The following IBTK variants were observed in gnomAD, a reference collection of about 807,000 sequenced individuals.
IBTK encodes inhibitor of Bruton tyrosine kinase.
Under a neutral mutation model 154.9 loss-of-function variants are expected in IBTK, and 83 were observed. The observed-to-expected ratio is 0.54, with a 90% confidence interval of 0.45 to 0.64. The LOEUF is 0.64. Ranked by LOEUF, IBTK falls within the 30% of genes least tolerant of loss-of-function variation. The pLI is 0.00. For missense variants in IBTK, 1,332 were observed against 1,584.6 expected (o/e 0.84, Z 2.71); for synonymous variants, 515 against 536.1 (o/e 0.96, Z 0.54).
rs192293252 is a variant in IBTK, at chr6:82,222,766, A to G, written c.1124+674T>C. On this transcript the variant is annotated intron_variant, in intron 8 of 28. Coordinates refer to ENST00000306270, the MANE Select transcript of IBTK (RefSeq NM_015525.4). ...AATTCCAGTTGGTGCACCCACCCATACTTAAAACTTTATGAAGCTGGGCGC... is the reference window on the plus strand; with the variant it reads ...AATTCCAGTTGGTGCACCCACCCATGCTTAAAACTTTATGAAGCTGGGCGC... 5.9e-5 allele frequency among the ~76,000 whole-genome samples: 9 copies of G among 152,130 alleles called. No homozygotes were observed. The East Asian group carries it at 1.7e-3, about 29-fold the overall frequency.
At chr6:82,198,345 G>C (rs529848636) in intron 21 of IBTK, among the ~76,000 whole-genome samples, 51 of 152,148 alleles carry the variant, frequency 3.4e-4, no homozygotes, top group African/African-American at 1.1e-3. Flanking sequence ...AGAGAACACA[G>C]AGTCACAGAA....
At chr6:82,237,661 G>GTAGTAGTAGTAGTAGTAGTA (rs1554188041) in intron 2 of IBTK, among the ~76,000 whole-genome samples, 4 of 143,674 alleles carry the variant, frequency 2.8e-5, no homozygotes, top group Non-Finnish European at 6.1e-5. Context: ...AGATAGTAGT[G>GTAGTAGTAGTAGTAGTAGTA]GTAGTAGTAG....
At chr6:82,209,579 T>G (rs1356063234) in intron 16 of IBTK, among the ~76,000 whole-genome samples, 1 of 152,178 alleles carries the variant, frequency 6.6e-6, no homozygotes, top group Non-Finnish European at 1.5e-5. Flanking sequence ...GAGTGGGAAG[T>G]GTCTGCTAAT....
intron 3 of IBTK, among the ~76,000 whole-genome samples, chr6:82,233,214 C>T (rs1196444140): frequency 6.6e-6 from 1 of 150,934 alleles, no homozygotes; most frequent in Non-Finnish European, 1.5e-5. Context: ...ATATTCCCAG[C>T]TACTTGGAGG....
intron 16 of IBTK, among the ~76,000 whole-genome samples, chr6:82,209,506 A>C (rs753218693): frequency 5.9e-5 from 9 of 152,198 alleles, no homozygotes; most frequent in Non-Finnish European, 1.3e-4. Context: ...AAATGTCCAG[A>C]AGAGGCAAAT....
chr6:82,174,326 G>A (rs962747983), intron 26 of IBTK, among the ~76,000 whole-genome samples: 1 of 152,124 alleles, frequency 6.6e-6, no homozygotes, highest in Admixed American at 6.5e-5. Flanking sequence ...TGATGGGGAA[G>A]ATTTAAAAAT....
At chr6:82,203,067 A>T (rs1384894101) in intron 17 of IBTK, among the ~76,000 whole-genome samples, 4 of 149,994 alleles carry the variant, frequency 2.7e-5, no homozygotes, top group Non-Finnish European at 5.9e-5. Context: ...ACTAAGAAAA[A>T]CTGATGAAAT....
rs151074716 is a variant in IBTK, at chr6:82,220,646, A to G, written c.1192T>C (p.Leu398=). The G allele has an allele frequency of 7.8e-5, 126 of 1,613,058 alleles. No individual in the cohort carries two copies. The African/African-American group carries it at 1.6e-3, about 20-fold the overall frequency. The stretch of plus-strand genomic sequence containing the variant: ...ATTTTTTGACCCCCATTTTCTTTCA[A>G]ATGTTCAGGATCAACCTTGTATTCC... The part of the protein sequence containing the change: ...HMEYKVDPEH[L]KENGGQKICI... The change falls in exon 9 of 29, where the codon TTG becomes CTG. Residue 398 remains leucine (L), a synonymous_variant. Coordinates refer to ENST00000306270, the MANE Select transcript of IBTK (RefSeq NM_015525.4).
At chr6:82,235,962 C>T (rs899425649) in intron 2 of IBTK, among the ~76,000 whole-genome samples, 2 of 152,160 alleles carry the variant, frequency 1.3e-5, no homozygotes, top group Non-Finnish European at 2.9e-5. Flanking sequence ...CAACCTCCAT[C>T]TCCTGGGTTC....
chr6:82,199,816 T>C (rs1769133672), intron 21 of IBTK, among the ~76,000 whole-genome samples: 1 of 152,158 alleles, frequency 6.6e-6, no homozygotes, highest in Non-Finnish European at 1.5e-5. Context: ...GCACAAGAAA[T>C]GTGCAACTCT....
Position 82,218,129 on chromosome 6 carries a change from G to C in IBTK, c.1257C>G (p.Cys419Trp). ...LAMDGAGRVF[C>W]WRSVNSSLKQ... The stretch of plus-strand genomic sequence containing the variant: ...TCAGAGAACTGTTGACTGATCTCCA[G>C]CAAAACACCTAAAACAAAACCAAAT... The change falls in exon 10 of 29, where the codon TGC (cysteine) becomes TGG (tryptophan). Residue 419 changes from cysteine to tryptophan, a missense_variant. This residue lies in a region of IBTK where 1,134 missense variants were observed against 1,274.7 expected (regional missense o/e 0.89). Coordinates refer to ENST00000306270, the MANE Select transcript of IBTK (RefSeq NM_015525.4). 5 of 1,557,720 alleles carry C rather than the reference G, an allele frequency of 3.2e-6. No homozygotes were observed. Among genetic ancestry groups the C allele is most frequent in the Non-Finnish European group, 4.3e-6 (5 of 1,155,504 alleles).
At chr6:82,174,221 G>T (rs1227057039) in intron 26 of IBTK, among the ~76,000 whole-genome samples, 2 of 152,064 alleles carry the variant, frequency 1.3e-5, no homozygotes, top group Non-Finnish European at 2.9e-5. Flanking sequence ...TTGACTTCGT[G>T]ATTCATTTAT....
chr6:82,204,297 T>G (rs1379554010), intron 17 of IBTK, among the ~76,000 whole-genome samples: 1 of 152,098 alleles, frequency 6.6e-6, no homozygotes, highest in African/African-American at 2.4e-5. Context: ...TTTTGACAAC[T>G]GAATGAATTT....
chr6:82,242,229 C>T (rs958153807), intron 1 of IBTK, among the ~76,000 whole-genome samples: 2 of 151,976 alleles, frequency 1.3e-5, no homozygotes, highest in Non-Finnish European at 2.9e-5. Flanking sequence ...ATTAGCCAGG[C>T]GTGGTGGCAC....
Position 82,204,957 on chromosome 6 carries a change from T to C in IBTK, c.2511A>G (p.Glu837=). Residue 837 remains glutamate, a splice_region_variant and synonymous_variant, in exon 17 of 29, where the codon GAA becomes GAG. Coordinates refer to ENST00000306270, the MANE Select transcript of IBTK (RefSeq NM_015525.4). ...TACAAATAAAATCTACATTTTGAGA[T>C]TCTAAAAAAAGAAAGAAAACAAGCA... The part of the protein sequence containing the change: ...LYTDEAVVIK[E]SQNVDFICSV... 2 of 1,574,908 alleles carry C rather than the reference T, an allele frequency of 1.3e-6. No homozygotes were observed. Among genetic ancestry groups the C allele is most frequent in the Non-Finnish European group, 1.7e-6 (2 of 1,156,314 alleles).
At chr6:82,201,306 A>C in intron 19 of IBTK, 116 bp downstream of exon 19, 1 of 558,146 alleles carries the variant, frequency 1.8e-6, no homozygotes, top group Non-Finnish European at 3.0e-6. Flanking sequence ...ATCAGTTTTA[A>C]AAGATCCTAA....
chr6:82,233,702 A>G (rs1036467251), intron 3 of IBTK, among the ~76,000 whole-genome samples: 2 of 148,262 alleles, frequency 1.3e-5, no homozygotes, highest in African/African-American at 5.0e-5. Context: ...AATGGAATAC[A>G]TTTGTAAAGT....
At chr6:82,195,479 T>C (rs1168608817) in intron 22 of IBTK, among the ~76,000 whole-genome samples, 1 of 151,646 alleles carries the variant, frequency 6.6e-6, no homozygotes, top group East Asian at 1.9e-4. Flanking sequence ...TCTGCCGGCT[T>C]AGGTGGGAGA....
chr6:82,224,797 T>A (rs1770234079), intron 6 of IBTK, among the ~76,000 whole-genome samples: 1 of 152,208 alleles, frequency 6.6e-6, no homozygotes, highest in Non-Finnish European at 1.5e-5. Flanking sequence ...TGAACCCATT[T>A]GGTATTGATA....
Sources: allele counts gnomAD v4.1 joint callset (sites outside exome capture counted in the v4.1 genomes callset), GRCh38; gene constraint gnomAD v4.1.1; regional missense constraint gnomAD v4.1.1; transcripts MANE v1.5; gene names NCBI Gene and HGNC (gene_info 2026-07-23, HGNC 2026-07-21).